Variants in GYPB observed in about 807,000 individuals in gnomAD.
The protein encoded by GYPB is glycophorin-B.
In GYPB, 13 loss-of-function variants were observed where a neutral mutation model predicts 15.3. The ratio of observed to expected loss-of-function variants is 0.85; its 90% CI spans 0.55 to 1.35. The LOEUF (loss-of-function observed/expected upper bound fraction) is 1.35, where lower values mean the gene tolerates loss of function less well. GYPB is among the 40% of genes most tolerant of loss of function. GYPB has a pLI of 0.00. For synonymous variants in GYPB, 38 were observed against 36.9 expected, an observed-to-expected ratio of 1.03 and a Z score of -0.11; for missense variants, 131 against 108.3, an observed-to-expected ratio of 1.21 and a Z score of -0.93.
intron 2 of GYPB, among the ~76,000 whole-genome samples, chr4:143,999,878 A>G (rs1727532001): frequency 6.6e-6 from 1 of 151,524 alleles, no homozygotes; most frequent in Non-Finnish European, 1.5e-5. Context: ...TTTCTGATTT[A>G]TGCCATAGCC....
At chr4:144,017,722 G>T (rs1728580602) in intron 1 of GYPB, among the ~76,000 whole-genome samples, 1 of 151,444 alleles carries the variant, frequency 6.6e-6, no homozygotes, top group Non-Finnish European at 1.5e-5. Context: ...AGAGTACGCA[G>T]TGTCTAATTT....
At chr4:143,996,725 G>C (rs1250130199) in intron 4 of GYPB, among the ~76,000 whole-genome samples, 1 of 150,690 alleles carries the variant, frequency 6.6e-6, no homozygotes, top group Non-Finnish European at 1.5e-5. Flanking sequence ...AGCAGAGATT[G>C]CGCCACTTTG....
intron 1 of GYPB, among the ~76,000 whole-genome samples, chr4:144,014,388 C>A (rs575230095): frequency 6.6e-6 from 1 of 151,616 alleles, no homozygotes; most frequent in African/African-American, 2.4e-5. Flanking sequence ...ATATACCAAC[C>A]CAAATTTTCA....
intron 4 of GYPB, chr4:143,997,323 G>A (rs1228267866): frequency 7.3e-6 from 3 of 413,588 alleles, no homozygotes; most frequent in Non-Finnish European, 8.9e-6. Context: ...TTGGGAAAAT[G>A]GGGGACAGAC....
chr4:144,007,819 C>G (rs1410832463), intron 1 of GYPB, among the ~76,000 whole-genome samples: 1 of 151,256 alleles, frequency 6.6e-6, no homozygotes, highest in Non-Finnish European at 1.5e-5. Context: ...TTGCTTTTTT[C>G]TTGAGATAGG....
chr4:144,000,248 C>T (rs191451459), intron 2 of GYPB: 1 of 207,434 alleles, frequency 4.8e-6, no homozygotes, highest in Admixed American at 5.9e-5. Flanking sequence ...GTTGTGGGTG[C>T]TATATGGGCT....
intron 1 of GYPB, chr4:144,012,398 T>G (rs561140374): frequency 6.6e-6 from 1 of 151,610 alleles, no homozygotes; most frequent in South Asian, 2.1e-4. Flanking sequence ...TATACATGGA[T>G]TAGTCTCTAC....
chr4:143,996,568 C>T (rs1220738348), intron 4 of GYPB, among the ~76,000 whole-genome samples: 1 of 150,842 alleles, frequency 6.6e-6, no homozygotes, highest in East Asian at 1.9e-4. Context: ...AGTTTGAAAC[C>T]AGCCTGGCCA....
chr4:144,011,211 G>C (rs1013315392), intron 1 of GYPB, among the ~76,000 whole-genome samples: 20 of 151,204 alleles, frequency 1.3e-4, no homozygotes, highest in Admixed American at 1.2e-3. Context: ...GAAACCCCGT[G>C]TCTACTGAAA....
In GYPB at chr4:144,019,376, C is replaced by G; in HGVS notation, c.-89G>C. ...TCAGTGTCTGGCCTTAGCCTACTAG[C>G]TGTTATCTTCCAGGCCCACCTTCCT... On this transcript the variant is annotated 5_prime_UTR_variant, in exon 1 of 5. Transcript: ENST00000502664. 1 of 1,607,618 alleles carries G rather than the reference C, an allele frequency of 6.2e-7. No homozygotes were observed. The highest frequency in any genetic ancestry group is 8.5e-7 in the Non-Finnish European group (1 of 1,177,602).
chr4:144,009,931 C>T (rs1313435219), intron 1 of GYPB, among the ~76,000 whole-genome samples: 2 of 143,540 alleles, frequency 1.4e-5, no homozygotes, highest in African/African-American at 2.5e-5. Context: ...TTTTTTTAAG[C>T]ACTTAAAAAA....
intron 1 of GYPB, among the ~76,000 whole-genome samples, chr4:144,008,873 T>C (rs551418772): frequency 1.3e-4 from 19 of 151,244 alleles, no homozygotes; most frequent in Non-Finnish European, 1.5e-4. Flanking sequence ...CGGCCAGCAG[T>C]GAGAACAACT....
At chr4:144,006,583 A>G (rs1246829968) in intron 1 of GYPB, among the ~76,000 whole-genome samples, 1 of 151,994 alleles carries the variant, frequency 6.6e-6, no homozygotes, top group Admixed American at 6.5e-5. Context: ...CTGTATGCCA[A>G]AACTTCCAGT....
rs1450535594 is a variant in GYPB at position 143,997,124 on chromosome 4, C to G, written c.270+416G>C. On this transcript the variant is annotated intron_variant, in intron 4 of 4. Transcript: ENST00000502664. ...GTTTCACCTTTTTGCTCAGGCTGGT[C>G]TCAAACTGCTGAGCTCAAGCAATCC... Among the ~76,000 whole-genome samples, 6 of 151,020 alleles carry G rather than the reference C, an allele frequency of 4.0e-5. 1 individual carries two copies. Among genetic ancestry groups the G allele is most frequent in the African/African-American group, 1.5e-4 (6 of 40,502 alleles).
chr4:144,016,140 GAAA>G (rs10594193), intron 1 of GYPB, among the ~76,000 whole-genome samples: 2,127 of 38,898 alleles, frequency 0.055, 73 homozygotes, highest in African/African-American at 0.087. Context: ...TTGGATCCCT[GAAA>G]AAAAAAAAAA....
intron 1 of GYPB, among the ~76,000 whole-genome samples, chr4:144,017,469 T>A (rs532653106): frequency 6.6e-5 from 10 of 151,374 alleles, no homozygotes; most frequent in Non-Finnish European, 1.2e-4. Flanking sequence ...CCAGAGAGTT[T>A]CCTTGGAGGG....
In GYPB at chr4:144,001,907, TG is replaced by T. The variant is rs1031741889; in HGVS notation, c.38-625del. Among the ~76,000 whole-genome samples the T allele has an allele frequency of 1.9e-4, 26 of 134,946 alleles. 1 individual carries two copies. The highest frequency in any genetic ancestry group is 3.9e-3 in the Middle Eastern group (1 of 258). The allele number at this position is 134,946 out of a possible 152,430, so 88.5% of individuals were successfully genotyped here. ...TTGCATGAACCCAGGAGGCCGAGCT[TG>T]CAGTGAGCCGAGATCACGCCACTGC... On this transcript the variant is annotated intron_variant, in intron 1 of 4. Transcript: ENST00000502664.
At chr4:143,997,090 A>G (rs1202453602) in intron 4 of GYPB, among the ~76,000 whole-genome samples, 1 of 150,970 alleles carries the variant, frequency 6.6e-6, no homozygotes, top group Admixed American at 6.6e-5. Flanking sequence ...TATTTTTTGT[A>G]TAGACTAGGT....
intron 1 of GYPB, chr4:144,002,671 C>A (rs1470064108): frequency 7.8e-7 from 1 of 1,286,062 alleles, no homozygotes; most frequent in African/African-American, 1.6e-5. Flanking sequence ...CAACTTGGCC[C>A]CTCAGCTGAA....
Sources: gnomAD v4.1 joint callset for allele counts (sites outside exome capture counted in the v4.1 genomes callset) on GRCh38, gnomAD v4.1.1 for gene constraint, MANE v1.5 for transcripts, NCBI Gene and HGNC (gene_info 2026-07-23, HGNC 2026-07-21) for gene names.